SLC1A2: variants seen among roughly 807,000 people sequenced by gnomAD.
The protein encoded by SLC1A2 is solute carrier family 1 member 2, also known as excitatory amino acid transporter 2.
SLC1A2 carries 15 observed loss-of-function variants against 48.8 expected under a neutral mutation model. The observed-to-expected ratio is 0.31, with a 90% CI of 0.21 to 0.47. SLC1A2 has a LOEUF of 0.47. Ranked by LOEUF, SLC1A2 falls within the 20% of genes least tolerant of loss-of-function variation. SLC1A2 has a pLI of 0.99. For missense variants in SLC1A2, 502 were observed against 730.5 expected (o/e 0.69, Z 3.61); for synonymous variants, 279 against 272.6 (o/e 1.02, Z -0.23).
chr11:35,369,603 A>T (rs139351412), intron 1 of SLC1A2, among the ~76,000 whole-genome samples: 42 of 152,370 alleles, frequency 2.8e-4, no homozygotes, highest in African/African-American at 9.6e-4. Flanking sequence ...TGAGATCGTC[A>T]CACCTACCAG....
intron 1 of SLC1A2, among the ~76,000 whole-genome samples, chr11:35,357,256 CAAA>C (rs531883065): frequency 8.1e-5 from 8 of 98,190 alleles, no homozygotes; most frequent in African/African-American, 1.1e-4. Flanking sequence ...GACTCTATAT[CAAA>C]AAAAAAAAAA....
intron 1 of SLC1A2, among the ~76,000 whole-genome samples, chr11:35,347,689 T>A (rs1025706825): frequency 6.6e-6 from 1 of 152,308 alleles, no homozygotes; most frequent in South Asian, 2.1e-4. Context: ...TTTACCTCGG[T>A]GCCAGGCCCT....
chr11:35,338,289 T>C (rs1176004390), intron 1 of SLC1A2, among the ~76,000 whole-genome samples: 1 of 152,210 alleles, frequency 6.6e-6, no homozygotes, highest in Admixed American at 6.5e-5. Flanking sequence ...CCCCTTCTTT[T>C]AGACCCTACA....
intron 1 of SLC1A2, chr11:35,323,157 C>A (rs973016733): frequency 1.2e-5 from 3 of 250,222 alleles, no homozygotes; most frequent in African/African-American, 4.6e-5. Context: ...GTGAGGCACT[C>A]CAGACTTCAC....
At chr11:35,388,878 A>G (rs1019484409) in intron 1 of SLC1A2, among the ~76,000 whole-genome samples, 2 of 152,246 alleles carry the variant, frequency 1.3e-5, no homozygotes, top group South Asian at 4.1e-4. Context: ...GTTGTCACTT[A>G]TAAGTGGTAG....
chr11:35,313,559 G>T (rs866237501), intron 3 of SLC1A2, among the ~76,000 whole-genome samples: 81 of 152,246 alleles, frequency 5.3e-4, no homozygotes, highest in Middle Eastern at 3.4e-3. Context: ...TTTTTGCTAT[G>T]GGGGAAGAAG....
Position 35,255,075 on chromosome 11 carries a change from A to C in SLC1A2, c.*5819T>G. 3.2e-6 allele frequency: 1 copy of C among 312,382 alleles called. No individual in the cohort carries two copies. Among genetic ancestry groups the C allele is most frequent in the South Asian group, 2.7e-5 (1 of 37,304 alleles). The allele number at this position is 312,382 out of a possible 1,614,324, so 19.4% of individuals were successfully genotyped here. ...AAAAGCCGGCCGAAAAACAAAACCC[A>C]ATCCTTTCAGTCCTAGCTTTACATC... is the stretch of plus-strand genomic sequence containing the variant. On this transcript the variant is annotated 3_prime_UTR_variant, in exon 11 of 11. Coordinates refer to ENST00000278379, the MANE Select transcript of SLC1A2 (RefSeq NM_004171.4).
chr11:35,285,828 C>T (rs973864277), intron 8 of SLC1A2: 1 of 152,108 alleles, frequency 6.6e-6, no homozygotes, highest in African/African-American at 2.4e-5. Context: ...AACTTTTAGC[C>T]CCAAATTATG....
At chr11:35,335,881 ATGT>A (rs1021818572) in intron 1 of SLC1A2, among the ~76,000 whole-genome samples, 2 of 152,256 alleles carry the variant, frequency 1.3e-5, no homozygotes, top group Admixed American at 6.5e-5. Context: ...AAATTAAAAA[ATGT>A]TGTTAAAAAT....
rs1850610332 is a variant in SLC1A2 at position 35,280,890 on chromosome 11, C to G, written c.1398G>C (p.Leu466=). Reference sequence around the variant, plus strand: ...ACAGCAGCCAGTCCACAGCCACCAGCAGGCTGATGTCCTCTGTTGGCAGGC... The same window carrying G: ...ACAGCAGCCAGTCCACAGCCACCAGGAGGCTGATGTCCTCTGTTGGCAGGC... ...AVGLPTEDIS[L]LVAVDWLLDR... is the part of the protein sequence containing the mutation. The change falls in exon 9 of 11, where the codon CTG becomes CTC. Residue 466 remains leucine, a synonymous_variant. Transcript: ENST00000278379. 1 of 1,611,316 alleles carries G rather than the reference C, an allele frequency of 6.2e-7. No homozygotes were observed. The highest frequency in any genetic ancestry group is 1.3e-5 in the African/African-American group (1 of 74,760).
At chr11:35,282,878 GTCTC>G (rs758992556) in intron 8 of SLC1A2, among the ~76,000 whole-genome samples, 93 of 152,282 alleles carry the variant, frequency 6.1e-4, no homozygotes, top group Non-Finnish European at 7.8e-4. Context: ...GGTAGGCACT[GTCTC>G]TGTGTGTGGA....
chr11:35,387,724 G>A (rs554330791), intron 1 of SLC1A2, among the ~76,000 whole-genome samples: 1 of 151,572 alleles, frequency 6.6e-6, no homozygotes, highest in Non-Finnish European at 1.5e-5. Flanking sequence ...AAATGCAGTC[G>A]GTAAGCCATT....
At chr11:35,335,361 C>A (rs1258358160) in intron 1 of SLC1A2, among the ~76,000 whole-genome samples, 1 of 152,182 alleles carries the variant, frequency 6.6e-6, no homozygotes, top group Non-Finnish European at 1.5e-5. Context: ...AGGCCAAGTT[C>A]TTTCAAACTT....
chr11:35,393,533 C>T (rs1590267854), intron 1 of SLC1A2, among the ~76,000 whole-genome samples: 1 of 152,106 alleles, frequency 6.6e-6, no homozygotes, highest in Non-Finnish European at 1.5e-5. Flanking sequence ...ATCTGACACC[C>T]CCCTCTTCAC....
intron 6 of SLC1A2, among the ~76,000 whole-genome samples, chr11:35,300,090 T>C (rs537974709): frequency 2.0e-5 from 3 of 152,184 alleles, no homozygotes; most frequent in African/African-American, 4.8e-5. Flanking sequence ...TAGATACTCA[T>C]GCTCTCCTAG....
intron 1 of SLC1A2, among the ~76,000 whole-genome samples, chr11:35,394,529 G>C (rs1448892577): frequency 6.6e-6 from 1 of 152,072 alleles, no homozygotes; most frequent in Admixed American, 6.5e-5. Flanking sequence ...TTAGAAAAAC[G>C]ACCAAATGAC....
At chr11:35,363,104 G>A (rs1339108288) in intron 1 of SLC1A2, among the ~76,000 whole-genome samples, 2 of 152,184 alleles carry the variant, frequency 1.3e-5, no homozygotes, top group African/African-American at 2.4e-5. Context: ...GCCAATGCAT[G>A]TTACTATTGC....
chr11:35,374,008 C>G (rs1325969060), intron 1 of SLC1A2, among the ~76,000 whole-genome samples: 1 of 152,212 alleles, frequency 6.6e-6, no homozygotes, highest in African/African-American at 2.4e-5. Context: ...GAGCAAGTTA[C>G]TTAAACTCTG....
At chr11:35,353,426 C>T (rs1853338264) in intron 1 of SLC1A2, among the ~76,000 whole-genome samples, 1 of 52,580 alleles carries the variant, frequency 1.9e-5, no homozygotes, top group African/African-American at 1.4e-4. Context: ...AAAAGTCTAA[C>T]TCCCTGTTGA....
Sources: allele counts gnomAD v4.1 joint callset (sites outside exome capture counted in the v4.1 genomes callset), GRCh38; gene constraint gnomAD v4.1.1; transcripts MANE v1.5; gene names NCBI Gene and HGNC (gene_info 2026-07-23, HGNC 2026-07-21).